SLIT1: variants seen among roughly 807,000 people sequenced by gnomAD.
SLIT1 encodes the protein slit homolog 1 protein.
Under a neutral mutation model 186.1 loss-of-function variants are expected in SLIT1, and 66 were observed. That is an observed-to-expected ratio of 0.35 (90% CI 0.29 to 0.44). SLIT1 has a LOEUF of 0.44. SLIT1 is among the 20% of genes least tolerant of loss of function. SLIT1 has a pLI of 1.00. For synonymous variants in SLIT1, 761 were observed against 833.8 expected, an observed-to-expected ratio of 0.91 and a Z score of 1.50; for missense variants, 1,638 against 2,037.4, an observed-to-expected ratio of 0.80 and a Z score of 3.77.
intron 4 of SLIT1, among the ~76,000 whole-genome samples, chr10:97,146,559 G>GCCCCCCCCCCCCCCCCCC (rs61265496): frequency 6.7e-6 from 1 of 149,084 alleles, no homozygotes; most frequent in African/African-American, 2.5e-5. Context: ...AGGTACCCCA[G>GCCCCCCCCCCCCCCCCCC]CCCCCCCCAC....
chr10:97,052,110 T>TG (rs1273195281), intron 13 of SLIT1, among the ~76,000 whole-genome samples: 2 of 149,250 alleles, frequency 1.3e-5, no homozygotes, highest in Non-Finnish European at 1.5e-5. Flanking sequence ...GTTTGTTTTT[T>TG]TTTTTTTTGG....
At chr10:97,114,058 G>A (rs1242356726) in intron 4 of SLIT1, among the ~76,000 whole-genome samples, 1 of 152,182 alleles carries the variant, frequency 6.6e-6, no homozygotes, top group African/African-American at 2.4e-5. Context: ...CTCAGGGACT[G>A]TCCTAGCAAG....
At position 97,022,212 on chromosome 10, in the gene SLIT1, C is replaced by T. The variant is rs1848508357; in HGVS notation, c.2583-799G>A. Among the ~76,000 whole-genome samples, 1 of 152,200 alleles carries T rather than the reference C, an allele frequency of 6.6e-6. No homozygotes were observed. The highest frequency in any genetic ancestry group is 2.1e-4 in the South Asian group (1 of 4,822). ...GAGCCTCCCATGGAATAAGTAATTT[C>T]CCTGGGGTCACACAACTAGCTAAGG... is the stretch of plus-strand genomic sequence containing the variant. On this transcript the variant is annotated intron_variant, in intron 25 of 36. Coordinates refer to ENST00000266058, the MANE Select transcript of SLIT1 (RefSeq NM_003061.3). This position sits in a 1 kb window ranked among gnomAD's most constrained non-coding sequence, Gnocchi z 4.2.
At chr10:97,164,344 G>A (rs1850073718) in intron 2 of SLIT1, among the ~76,000 whole-genome samples, 1 of 152,160 alleles carries the variant, frequency 6.6e-6, no homozygotes, top group Non-Finnish European at 1.5e-5. Flanking sequence ...AGCCTGAAGT[G>A]TGAGAGGCTC....
At chr10:97,130,825 A>G (rs1393994137) in intron 4 of SLIT1, among the ~76,000 whole-genome samples, 1 of 152,146 alleles carries the variant, frequency 6.6e-6, no homozygotes, top group Non-Finnish European at 1.5e-5. Context: ...CAGCACCGCT[A>G]TTGTTTTTGA....
intron 4 of SLIT1, among the ~76,000 whole-genome samples, chr10:97,116,683 G>A (rs2636787): frequency 0.46 from 69,909 of 152,102 alleles, 18,811 homozygotes; most frequent in South Asian, 0.61. Flanking sequence ...GGCTCCCCAG[G>A]GAGAGGGGCC....
At chr10:97,109,143 G>A (rs1015829939) in intron 4 of SLIT1, among the ~76,000 whole-genome samples, 5 of 151,342 alleles carry the variant, frequency 3.3e-5, no homozygotes, top group Non-Finnish European at 7.4e-5. Flanking sequence ...GAGGCCAGGA[G>A]TTCAAGACCA....
intron 4 of SLIT1, among the ~76,000 whole-genome samples, chr10:97,085,072 T>A (rs753139068): frequency 6.6e-6 from 1 of 151,966 alleles, no homozygotes; most frequent in Non-Finnish European, 1.5e-5. Flanking sequence ...TACAGGCACC[T>A]GCTACCACAC....
intron 10 of SLIT1, 54 bp downstream of exon 10, chr10:97,060,033 A>G (rs1205042985): frequency 6.8e-7 from 1 of 1,468,620 alleles, no homozygotes; most frequent in East Asian, 2.3e-5. Context: ...GGGACCACCC[A>G]GGATCTCCGT....
At position 97,015,865 on chromosome 10, in the gene SLIT1, T is replaced by C. The variant is rs188167717; in HGVS notation, c.2970-1707A>G. Among the ~76,000 whole-genome samples the C allele has an allele frequency of 7.9e-5, 12 of 151,842 alleles. No individual in the cohort carries two copies. The East Asian group carries it at 2.1e-3, about 27-fold the overall frequency. On this transcript the variant is annotated intron_variant, in intron 28 of 36. Coordinates refer to ENST00000266058, the MANE Select transcript of SLIT1 (RefSeq NM_003061.3). ...GGGACAGAGACGCATGGCAGAGTACTCAAGAAAAGAGTCTAGCATAAAAAT... is the reference window on the plus strand; with the variant it reads ...GGGACAGAGACGCATGGCAGAGTACCCAAGAAAAGAGTCTAGCATAAAAAT...
At chr10:97,164,267 A>G (rs900792947) in intron 2 of SLIT1, among the ~76,000 whole-genome samples, 8 of 118,778 alleles carry the variant, frequency 6.7e-5, no homozygotes, top group African/African-American at 2.1e-4. Flanking sequence ...GCCTCAGATG[A>G]CGTTGGGGGC....
chr10:97,046,655 G>A lies in SLIT1; in HGVS notation c.1852C>T (p.Leu618=). Residue 618 remains leucine, a splice_region_variant and synonymous_variant, in exon 18 of 37, where the codon CTA becomes TTA. Transcript: ENST00000266058. Reference sequence around the variant, plus strand: ...TGCTCCCCAGCCCTGCACACTCACAGGGTCCTCAAGCCATCCAGACCCCGG... The same window carrying A: ...TGCTCCCCAGCCCTGCACACTCACAAGGTCCTCAAGCCATCCAGACCCCGG... The part of the protein sequence containing the change: ...MFRGLDGLRT[L]MLRNNRISCI... 3 of 1,605,900 alleles carry A rather than the reference G, an allele frequency of 1.9e-6. No individual in the cohort carries two copies. Among genetic ancestry groups the A allele is most frequent in the Non-Finnish European group, 2.5e-6 (3 of 1,179,216 alleles).
At chr10:97,130,204 T>C (rs2817709) in intron 4 of SLIT1, among the ~76,000 whole-genome samples, 72,382 of 152,148 alleles carry the variant, frequency 0.48, 20,530 homozygotes, top group Non-Finnish European at 0.62. Context: ...GCTGGTATGG[T>C]GATTTCTCAA....
At chr10:97,170,704 C>G (rs1850176606) in intron 1 of SLIT1, among the ~76,000 whole-genome samples, 1 of 152,216 alleles carries the variant, frequency 6.6e-6, no homozygotes, top group South Asian at 2.1e-4. Context: ...TGGTCCTAGC[C>G]TGAAAGGAAA....
chr10:97,011,325 T>C (rs1848408743), intron 30 of SLIT1, among the ~76,000 whole-genome samples, 195 bp from the exon 31 acceptor site: 1 of 152,124 alleles, frequency 6.6e-6, no homozygotes, highest in Admixed American at 6.5e-5. Flanking sequence ...CCTGGGACCC[T>C]TTCCTAGTAG....
intron 4 of SLIT1, chr10:97,157,614 G>A (rs1434154487): frequency 3.4e-6 from 2 of 587,096 alleles, no homozygotes; most frequent in Non-Finnish European, 6.1e-6. Context: ...GTTCTTCCAA[G>A]TGCTTGCCAT....
intron 4 of SLIT1, among the ~76,000 whole-genome samples, chr10:97,137,329 T>G (rs1849712018): frequency 1.3e-5 from 2 of 152,212 alleles, no homozygotes; most frequent in Admixed American, 6.5e-5. Flanking sequence ...CACATTTGGT[T>G]GCCTGATTCT....
At chr10:97,095,815 C>A (rs1296733219) in intron 4 of SLIT1, among the ~76,000 whole-genome samples, 2 of 152,188 alleles carry the variant, frequency 1.3e-5, no homozygotes, top group Admixed American at 6.5e-5. Flanking sequence ...TGGAATTCCA[C>A]GTCCCCATCT....
Position 97,157,893 on chromosome 10 carries a change from T to C in SLIT1, c.342-4A>G, listed in dbSNP as rs1247067236. On this transcript the variant is annotated splice_region_variant and splice_polypyrimidine_tract_variant and intron_variant, in intron 3 of 36. Coordinates refer to ENST00000266058, the MANE Select transcript of SLIT1 (RefSeq NM_003061.3). ...CAGCTGGTTTCGGTTCAGTCGCCTATAAAAGAGAAGAAGAATTGGAAATCA... is the reference window on the plus strand; with the variant it reads ...CAGCTGGTTTCGGTTCAGTCGCCTACAAAAGAGAAGAAGAATTGGAAATCA... 5 of 1,611,230 alleles carry C rather than the reference T, an allele frequency of 3.1e-6. No individual in the cohort carries two copies. In the South Asian group the frequency reaches 5.5e-5, roughly 18 times the overall value.
Sources: allele counts gnomAD v4.1 joint callset (sites outside exome capture counted in the v4.1 genomes callset), GRCh38; gene constraint gnomAD v4.1.1; non-coding constraint Gnocchi (gnomAD v3.1); transcripts MANE v1.5; gene names NCBI Gene and HGNC (gene_info 2026-07-23, HGNC 2026-07-21).